Variants in MME observed in about 807,000 individuals in gnomAD.
MME encodes the protein membrane metalloendopeptidase.
Under a neutral mutation model 113.2 loss-of-function variants are expected in MME, and 98 were observed. The observed-to-expected ratio is 0.87, with a 90% CI of 0.74 to 1.02. MME has a LOEUF of 1.02. Ranked by LOEUF, MME falls within the 50% of genes least tolerant of loss-of-function variation. MME has a pLI of 0.00. For missense variants in MME, 836 were observed against 896.0 expected, an observed-to-expected ratio of 0.93 and a Z score of 0.86; for synonymous variants, 292 against 300.6, an observed-to-expected ratio of 0.97 and a Z score of 0.30.
intron 16 of MME, among the ~76,000 whole-genome samples, chr3:155,155,911 A>G (rs1576653796): frequency 6.6e-6 from 1 of 152,184 alleles, no homozygotes; most frequent in Non-Finnish European, 1.5e-5. Flanking sequence ...GCCAAACAGA[A>G]CTACACACAA....
intron 17 of MME, among the ~76,000 whole-genome samples, chr3:155,162,026 A>G (rs2108353660): frequency 6.6e-6 from 1 of 152,294 alleles, no homozygotes; most frequent in Admixed American, 6.5e-5. Flanking sequence ...AGACAAACGT[A>G]ATAATTAACT....
chr3:155,158,068 T>C (rs909645397), intron 16 of MME, among the ~76,000 whole-genome samples: 4 of 152,134 alleles, frequency 2.6e-5, no homozygotes, highest in African/African-American at 9.7e-5. Flanking sequence ...TAAACTTCAT[T>C]CGTGTCCTAC....
At chr3:155,148,063 C>A (rs1020336066) in intron 15 of MME, among the ~76,000 whole-genome samples, 1 of 152,124 alleles carries the variant, frequency 6.6e-6, no homozygotes, top group Non-Finnish European at 1.5e-5. Flanking sequence ...CTCATTTAAA[C>A]TTGGTCGAGT....
chr3:155,132,488 G>A (rs979407104), intron 8 of MME, among the ~76,000 whole-genome samples: 23 of 152,050 alleles, frequency 1.5e-4, no homozygotes, highest in Admixed American at 1.2e-3. Context: ...GTTTAAAACC[G>A]ATGATCACCT....
At chr3:155,119,197 C>T (rs373613119) in intron 8 of MME, among the ~76,000 whole-genome samples, 2 of 152,258 alleles carry the variant, frequency 1.3e-5, no homozygotes, top group Admixed American at 6.5e-5. Context: ...GAGATACACT[C>T]TGCAGCATCC....
At chr3:155,166,860 CTTA>C in intron 17 of MME, 39 bp from the exon 18 acceptor site, 1 of 1,612,850 alleles carries the variant, frequency 6.2e-7, no homozygotes, top group Non-Finnish European at 8.5e-7. Flanking sequence ...ATTTTAAAAA[CTTA>C]TGCCACAAAT....
rs969041155 is a variant in MME at position 155,049,669 on chromosome 3, ATC to A, written c.-11+25347_-11+25348del. ...TATCTATCTATCTATCTATCTATCT[ATC>A]TATATATAGAGAGAGAACAGAATGT... On this transcript the variant is annotated intron_variant, in intron 1 of 22. Coordinates refer to the MME transcript ENST00000492661. Among the ~76,000 whole-genome samples, 750 of 151,346 alleles carry A rather than the reference ATC, an allele frequency of 5.0e-3. 4 individuals carry two copies. The highest frequency in any genetic ancestry group is 0.013 in the African/African-American group (529 of 41,048).
intron 8 of MME, among the ~76,000 whole-genome samples, chr3:155,127,007 CAAAA>C (rs781764437): frequency 9.2e-5 from 6 of 65,098 alleles, no homozygotes; most frequent in East Asian, 9.7e-4. Context: ...AACTCCATCT[CAAAA>C]AAAAAAAAAA....
chr3:155,140,269 T>A lies in MME; in HGVS notation c.934T>A (p.Phe312Ile), dbSNP rs748834417. The change falls in exon 10 of 23, where the codon TTT becomes ATT. Residue 312 changes from phenylalanine to isoleucine, a missense_variant. Phe to Ile is a conservative substitution (Grantham distance 21, BLOSUM62 0). Transcript: ENST00000360490. ...KMTLAQIQNN[F>I]SLEINGKPFS... ...GACATTGGCCCAGATCCAAAATAAC[T>A]TTTCACTAGAGATCAATGGGAAGGT... 6.2e-7 allele frequency: 1 copy of A among 1,611,712 alleles called. No homozygotes were observed. The highest frequency in any genetic ancestry group is 8.5e-7 in the Non-Finnish European group (1 of 1,178,152).
chr3:155,059,212 T>A (rs1308493403), intron 1 of MME, among the ~76,000 whole-genome samples: 1 of 125,622 alleles, frequency 8.0e-6, no homozygotes, highest in Non-Finnish European at 1.6e-5. Flanking sequence ...TGAGCCGAGA[T>A]CACACCACTG....
At chr3:155,156,223 C>A (rs1418050293) in intron 16 of MME, among the ~76,000 whole-genome samples, 2 of 152,144 alleles carry the variant, frequency 1.3e-5, no homozygotes, top group African/African-American at 4.8e-5. Flanking sequence ...GCCTCCTAAC[C>A]TCTGAACCTA....
rs752646458 is a variant in MME, at chr3:155,143,573, T to G, written c.1317+2T>G. The G allele has an allele frequency of 1.1e-5, 17 of 1,611,496 alleles. No individual in the cohort carries two copies. Among genetic ancestry groups the G allele is most frequent in the Non-Finnish European group, 1.4e-5 (17 of 1,178,026 alleles). Reference sequence around the variant, plus strand: ...TTTGCTGGAGAGAGTAAACATGTGGTAATGTTTTCAGAATAATACACTGTC... The same window carrying G: ...TTTGCTGGAGAGAGTAAACATGTGGGAATGTTTTCAGAATAATACACTGTC... On this transcript the variant is annotated splice_donor_variant, in intron 13 of 22. Transcript: ENST00000360490. LOFTEE classifies it high-confidence loss of function.
At chr3:155,126,747 C>T (rs1339081864) in intron 8 of MME, among the ~76,000 whole-genome samples, 1 of 152,028 alleles carries the variant, frequency 6.6e-6, no homozygotes, top group Non-Finnish European at 1.5e-5. Flanking sequence ...TGCCTGTAAT[C>T]TCTGCACTTT....
intron 3 of MME, among the ~76,000 whole-genome samples, chr3:155,100,347 A>G (rs1717101635): frequency 6.6e-6 from 1 of 151,948 alleles, no homozygotes; most frequent in Non-Finnish European, 1.5e-5. Flanking sequence ...CAAAACCACA[A>G]TGAGATATCA....
chr3:155,080,659 A>G (rs1350529410), intron 1 of MME, among the ~76,000 whole-genome samples, 193 bp downstream of exon 1: 1 of 152,122 alleles, frequency 6.6e-6, no homozygotes, highest in African/African-American at 2.4e-5. Context: ...CCTTTTGTAG[A>G]TGAAAGTTTA....
chr3:155,027,890 A>G (rs1007062877), intron 1 of MME, among the ~76,000 whole-genome samples: 7 of 152,230 alleles, frequency 4.6e-5, no homozygotes, highest in African/African-American at 1.4e-4. Context: ...AATAAATGAA[A>G]TAAATCTTTT....
At chr3:155,116,603 T>TATATAG in intron 5 of MME, 44 bp downstream of exon 5, 1 of 1,477,370 alleles carries the variant, frequency 6.8e-7, no homozygotes, top group Admixed American at 1.8e-5. Flanking sequence ...TATATATATA[T>TATATAG]ATATTGGTGC....
rs142763624 is a variant in MME, at chr3:155,055,617, T to C, written c.-10-28541T>C. ...GTCTCAAAAAAAAAAAAAACTTTTA[T>C]ATAATTCCACCATTTACATAAATTT... On this transcript the variant is annotated intron_variant, in intron 1 of 22. Transcript: ENST00000492661. Among the ~76,000 whole-genome samples the C allele has an allele frequency of 1.8e-3, 268 of 152,074 alleles. 1 individual carries two copies. The highest frequency in any genetic ancestry group is 6.4e-3 in the African/African-American group (264 of 41,496).
chr3:155,093,707 C>T (rs1716487402), intron 3 of MME, among the ~76,000 whole-genome samples: 1 of 151,800 alleles, frequency 6.6e-6, no homozygotes, highest in Admixed American at 6.6e-5. Context: ...AATACAAAAA[C>T]TATCTGGGCA....
Sources: allele counts gnomAD v4.1 joint callset (sites outside exome capture counted in the v4.1 genomes callset), GRCh38; gene constraint gnomAD v4.1.1; transcripts MANE v1.5; gene names NCBI Gene and HGNC (gene_info 2026-07-23, HGNC 2026-07-21).